Variants in SDCCAG8 observed in about 807,000 individuals in gnomAD.
SDCCAG8 encodes the protein SHH signaling and ciliogenesis regulator SDCCAG8.
SDCCAG8 carries 74 observed loss-of-function variants against 101.8 expected under a neutral mutation model. The observed-to-expected ratio is 0.73, with a 90% CI of 0.60 to 0.88. SDCCAG8 has a LOEUF of 0.88. Ranked by LOEUF, SDCCAG8 falls within the 40% of genes least tolerant of loss-of-function variation. The pLI is 0.00. For missense variants in SDCCAG8, 787 were observed against 822.6 expected (o/e 0.96, Z 0.53); for synonymous variants, 281 against 292.9 (o/e 0.96, Z 0.41).
chr1:243,457,040 A>G (rs142492230), intron 16 of SDCCAG8, among the ~76,000 whole-genome samples: 157 of 152,326 alleles, frequency 1.0e-3, no homozygotes, highest in African/African-American at 3.7e-3. Flanking sequence ...AAAAAGGAAA[A>G]TGGGCGGAAG....
chr1:243,466,211 A>G (rs968347708), intron 16 of SDCCAG8, among the ~76,000 whole-genome samples: 1 of 152,240 alleles, frequency 6.6e-6, no homozygotes, highest in Non-Finnish European at 1.5e-5. Flanking sequence ...GGCATTTGAT[A>G]TATATCAATA....
chr1:243,376,230 A>C (rs66691749), intron 12 of SDCCAG8, among the ~76,000 whole-genome samples: 24,150 of 152,128 alleles, frequency 0.16, 2,552 homozygotes, highest in African/African-American at 0.3. Flanking sequence ...TTTTAGTCAG[A>C]TTTTACTATG....
At chr1:243,432,774 GA>G (rs2081881291) in intron 16 of SDCCAG8, among the ~76,000 whole-genome samples, 1 of 152,052 alleles carries the variant, frequency 6.6e-6, no homozygotes, top group East Asian at 1.9e-4. Context: ...TTATGTAAAT[GA>G]AATAGTGGCA....
intron 13 of SDCCAG8, among the ~76,000 whole-genome samples, chr1:243,391,797 TA>T (rs1191376547): frequency 6.6e-6 from 1 of 152,004 alleles, no homozygotes; most frequent in Non-Finnish European, 1.5e-5. Flanking sequence ...GTAAACAAAA[TA>T]AAGAGCAAGT....
At chr1:243,329,073 T>C (rs2074407469) in intron 9 of SDCCAG8, among the ~76,000 whole-genome samples, 1 of 151,910 alleles carries the variant, frequency 6.6e-6, no homozygotes, top group African/African-American at 2.4e-5. Context: ...AGCAATTACA[T>C]TTTGAATCAC....
At chr1:243,462,465 C>T (rs2148162784) in intron 16 of SDCCAG8, among the ~76,000 whole-genome samples, 1 of 152,362 alleles carries the variant, frequency 6.6e-6, no homozygotes, top group Non-Finnish European at 1.5e-5. Flanking sequence ...CTAACACTGT[C>T]ATACACACAT....
chr1:243,437,625 C>A (rs1169032863), intron 16 of SDCCAG8, among the ~76,000 whole-genome samples: 1 of 151,690 alleles, frequency 6.6e-6, no homozygotes, highest in East Asian at 1.9e-4. Context: ...CAAGCCCCAC[C>A]TCCCGGGTTC....
intron 13 of SDCCAG8, among the ~76,000 whole-genome samples, chr1:243,398,533 T>C (rs1469780743): frequency 2.0e-5 from 3 of 152,198 alleles, no homozygotes; most frequent in African/African-American, 7.2e-5. Context: ...TAACTTCTTA[T>C]TAATCTAAAA....
At chr1:243,415,579 G>A in intron 13 of SDCCAG8, 123 bp from the exon 14 acceptor site, 1 of 1,357,956 alleles carries the variant, frequency 7.4e-7, no homozygotes, top group South Asian at 1.2e-5. Context: ...TCATTAGAAA[G>A]GTCCTTGTCT....
rs1383886541 is a variant in SDCCAG8, at chr1:243,262,108, CT to C, written c.67+5879del. On this transcript the variant is annotated intron_variant, in intron 1 of 17. Transcript: ENST00000366541. Reference sequence around the variant, plus strand: ...TACAGGCATGAGCCACGGTGCCCGACTTTTTTTTTTTCTTTTGAGACAGGGT... The same window carrying C: ...TACAGGCATGAGCCACGGTGCCCGACTTTTTTTTTTCTTTTGAGACAGGGT... Among the ~76,000 whole-genome samples the C allele has an allele frequency of 2.5e-4, 35 of 140,744 alleles. 1 individual carries two copies. The highest frequency in any genetic ancestry group is 3.3e-4 in the Non-Finnish European group (21 of 63,514). 92.3% of individuals were successfully genotyped at this position (140,744 alleles called of 152,430 possible).
chr1:243,434,549 G>C (rs901422143), intron 16 of SDCCAG8, among the ~76,000 whole-genome samples: 7 of 152,122 alleles, frequency 4.6e-5, no homozygotes, highest in Non-Finnish European at 1.0e-4. Context: ...TGACATGTTT[G>C]GATTAGGGAG....
At chr1:243,431,024 C>T (rs1251756121) in intron 16 of SDCCAG8, among the ~76,000 whole-genome samples, 4 of 151,822 alleles carry the variant, frequency 2.6e-5, no homozygotes, top group South Asian at 4.2e-4. Flanking sequence ...TGGTGAAACC[C>T]CGTCTCTACC....
At chr1:243,321,830 G>T (rs2073783289) in intron 9 of SDCCAG8, among the ~76,000 whole-genome samples, 1 of 152,152 alleles carries the variant, frequency 6.6e-6, no homozygotes, top group Admixed American at 6.5e-5. Context: ...TGTGTTTTTA[G>T]TAAAGACAGC....
intron 10 of SDCCAG8, 77 bp from the exon 11 acceptor site, chr1:243,340,962 G>A (rs1432162551): frequency 1.9e-5 from 27 of 1,432,372 alleles, no homozygotes; most frequent in South Asian, 1.0e-4. Context: ...ATGCTGAGAC[G>A]CTATTAATTC....
At chr1:243,392,750 G>C (rs1558403977) in intron 13 of SDCCAG8, among the ~76,000 whole-genome samples, 1 of 152,196 alleles carries the variant, frequency 6.6e-6, no homozygotes, top group Non-Finnish European at 1.5e-5. Context: ...CAACTTTTTA[G>C]ATGCCGTTTC....
At chr1:243,496,643 G>T (rs954745942) in intron 17 of SDCCAG8, among the ~76,000 whole-genome samples, 1 of 152,210 alleles carries the variant, frequency 6.6e-6, no homozygotes, top group Non-Finnish European at 1.5e-5. Context: ...GTGAGCAGGG[G>T]CGAGGGGTGC....
chr1:243,412,746 A>G (rs2080271979), intron 13 of SDCCAG8, among the ~76,000 whole-genome samples: 1 of 152,158 alleles, frequency 6.6e-6, no homozygotes, highest in South Asian at 2.1e-4. Context: ...TTCCCCAAAT[A>G]AAAACATTTT....
In SDCCAG8 at chr1:243,418,073, C is replaced by A. The variant is rs528435621; in HGVS notation, c.1850C>A (p.Thr617Asn). The change falls in exon 15 of 18, where the codon ACC (threonine) becomes AAC (asparagine). Residue 617 changes from threonine to asparagine, a missense_variant. Transcript: ENST00000366541. ...AAACTGGAACAAATCTCTCAAAAAA[C>A]CAGGTAGGTGATGTTATAGAATACT... ...AKKLEQISQK[T>N]RSEIAQLSQE... The A allele has an allele frequency of 1.2e-6, 2 of 1,600,754 alleles. No individual in the cohort carries two copies. Among genetic ancestry groups the A allele is most frequent in the Admixed American group, 3.3e-5 (2 of 59,946 alleles).
At chr1:243,301,237 G>A (rs2071475177) in intron 6 of SDCCAG8, among the ~76,000 whole-genome samples, 1 of 152,100 alleles carries the variant, frequency 6.6e-6, no homozygotes, top group Non-Finnish European at 1.5e-5. Flanking sequence ...TATTGCTATT[G>A]TGGTGAGTTC....
Sources: gnomAD v4.1 joint callset for allele counts (sites outside exome capture counted in the v4.1 genomes callset) on GRCh38, gnomAD v4.1.1 for gene constraint, MANE v1.5 for transcripts, NCBI Gene and HGNC (gene_info 2026-07-23, HGNC 2026-07-21) for gene names.